DNAH17: variants seen among roughly 807,000 people sequenced by gnomAD.
DNAH17 encodes axonemal beta dynein heavy chain 17.
Under a neutral mutation model 485.6 loss-of-function variants are expected in DNAH17, and 376 were observed. That is an observed-to-expected ratio of 0.77 (90% CI 0.71 to 0.84). DNAH17 has a LOEUF of 0.84. DNAH17 is among the 40% of genes least tolerant of loss of function. The pLI, the probability that DNAH17 is intolerant of heterozygous loss-of-function variation, is 0.00. For missense variants in DNAH17, 6,370 were observed against 5,839.3 expected, an observed-to-expected ratio of 1.09 and a Z score of -2.96; for synonymous variants, 3,031 against 2,405.9, an observed-to-expected ratio of 1.26 and a Z score of -7.60.
chr17:78,441,497 G>C (rs1454686483), intron 71 of DNAH17, among the ~76,000 whole-genome samples: 3 of 152,182 alleles, frequency 2.0e-5, no homozygotes, highest in Non-Finnish European at 4.4e-5. Context: ...GTCAACTGCG[G>C]GGGGTGGGGG....
intron 24 of DNAH17, among the ~76,000 whole-genome samples, chr17:78,525,525 G>A (rs2143243329): frequency 6.6e-6 from 1 of 152,338 alleles, no homozygotes; most frequent in South Asian, 2.1e-4. Flanking sequence ...TTGAAAATGA[G>A]ATAATTCAGA....
intron 20 of DNAH17, among the ~76,000 whole-genome samples, chr17:78,531,662 G>T (rs2091242405): frequency 6.6e-6 from 1 of 152,200 alleles, no homozygotes; most frequent in African/African-American, 2.4e-5. Context: ...CTTATCTGAT[G>T]TAACTATAGT....
At chr17:78,531,630 G>A (rs1036130044) in intron 20 of DNAH17, among the ~76,000 whole-genome samples, 7 of 152,114 alleles carry the variant, frequency 4.6e-5, no homozygotes, top group South Asian at 4.1e-4. Flanking sequence ...GAGCCACCAC[G>A]CCCGGCCGAC....
At chr17:78,475,981 C>T (rs942636774) in intron 52 of DNAH17, 148 bp from the exon 53 acceptor site, 11 of 871,366 alleles carry the variant, frequency 1.3e-5, no homozygotes, top group East Asian at 8.0e-5. Context: ...AACCTGCTGC[C>T]GTGGGCCCAG....
chr17:78,574,830 C>A lies in DNAH17; in HGVS notation c.228G>T (p.Gly76=). The part of the protein sequence containing the change: ...LGFPQSLKSK[G]VYFIKTKSEN... The stretch of plus-strand genomic sequence containing the variant: ...CGGACTTTGTCTTGATGAAGTAAAC[C>A]CCTTTGGACTTGAGGGACTGGGGGA... The change falls in exon 2 of 81, where the codon GGG becomes GGT. Residue 76 remains glycine, a synonymous_variant. Transcript: ENST00000389840. 3 of 1,613,970 alleles carry A rather than the reference C, an allele frequency of 1.9e-6. No individual in the cohort carries two copies. The highest frequency in any genetic ancestry group is 2.5e-6 in the Non-Finnish European group (3 of 1,179,882).
chr17:78,573,877 G>A (rs945190739), intron 2 of DNAH17, among the ~76,000 whole-genome samples: 6 of 152,138 alleles, frequency 3.9e-5, no homozygotes, highest in African/African-American at 1.4e-4. Context: ...TGAGAAGAGT[G>A]ATGACCAGGA....
intron 60 of DNAH17, 66 bp downstream of exon 60, chr17:78,459,718 C>T: frequency 6.3e-7 from 1 of 1,578,522 alleles, no homozygotes; most frequent in South Asian, 1.1e-5. Context: ...TTCACCTCAG[C>T]ATCGTGCCTT....
chr17:78,471,410 G>C (rs930183054), intron 54 of DNAH17, among the ~76,000 whole-genome samples: 3 of 152,264 alleles, frequency 2.0e-5, no homozygotes, highest in Non-Finnish European at 2.9e-5. Context: ...GGAGCGTAGT[G>C]TGAGAGCCAG....
At chr17:78,545,972 A>C (rs62075913) in intron 16 of DNAH17, among the ~76,000 whole-genome samples, 9,439 of 103,656 alleles carry the variant, frequency 0.091, 555 homozygotes, top group African/African-American at 0.2. Context: ...CTACCATTTG[A>C]AATTTTTTTT....
At chr17:78,539,206 G>C (rs1194289065) in intron 18 of DNAH17, among the ~76,000 whole-genome samples, 1 of 151,966 alleles carries the variant, frequency 6.6e-6, no homozygotes, top group Non-Finnish European at 1.5e-5. Context: ...CTCCAGCCTG[G>C]GCAACAGAGC....
rs747046978 is a variant in DNAH17 at position 78,441,109 on chromosome 17, C to A, written c.11619G>T (p.Thr3873=). 3 of 1,613,608 alleles carry A rather than the reference C, an allele frequency of 1.9e-6. No homozygotes were observed. The highest frequency in any genetic ancestry group is 2.2e-5 in the South Asian group (2 of 90,978). ...SKSYEESSPS[T]SIFFILSPGV... ...CCGGGGAGAGGATGAAGAAGATTGA[C>A]GTGGAGGGGCTGCTCTCCTCGTAGG... Residue 3873 remains threonine (T), a synonymous_variant, in exon 72 of 81, where the codon ACG becomes ACT. Transcript: ENST00000389840.
chr17:78,558,496 A>ATCGCCC (rs2092078131), intron 13 of DNAH17, among the ~76,000 whole-genome samples: 1 of 151,042 alleles, frequency 6.6e-6, no homozygotes, highest in East Asian at 1.9e-4. Context: ...GGTGGATGAC[A>ATCGCCC]TCACCCTCAT....
Position 78,494,266 on chromosome 17 carries a change from G to A in DNAH17, c.6271-93C>T, listed in dbSNP as rs1005399522. On this transcript the variant is annotated intron_variant, in intron 40 of 80. Coordinates refer to ENST00000389840, the MANE Select transcript of DNAH17 (RefSeq NM_173628.4). ...GGGGGGCTTCCTGCCCCGTGGGGGA[G>A]ATGATAAAGGCGCCCTTGCCCTCCG... The A allele has an allele frequency of 2.7e-6, 4 of 1,506,094 alleles. No homozygotes were observed. In the African/African-American group the frequency reaches 4.2e-5, roughly 16 times the overall value. The allele number at this position is 1,506,094 out of a possible 1,614,324, so 93.3% of individuals were successfully genotyped here. A position where few individuals can be genotyped will look rare whatever the true frequency, so the allele number is the denominator to read the frequency against.
At chr17:78,478,624 T>TATTATAATC in intron 51 of DNAH17, among the ~76,000 whole-genome samples, 1 of 114,454 alleles carries the variant, frequency 8.7e-6, no homozygotes, top group Admixed American at 8.5e-5. Flanking sequence ...TCACCCCCAT[T>TATTATAATC]ATTATAATCA....
At chr17:78,431,400 A>AG (rs1197853103) in intron 75 of DNAH17, among the ~76,000 whole-genome samples, 2 of 146,598 alleles carry the variant, frequency 1.4e-5, no homozygotes, top group Non-Finnish European at 3.0e-5. Context: ...TGCTTCCCGC[A>AG]GGGGGTGGGG....
chr17:78,518,622 G>C (rs1045210182), intron 25 of DNAH17, among the ~76,000 whole-genome samples: 1 of 152,116 alleles, frequency 6.6e-6, no homozygotes, highest in Non-Finnish European at 1.5e-5. Context: ...ACTATAAAAG[G>C]ACAGAACAAC....
rs1449053959 is a variant in DNAH17 at position 78,427,076 on chromosome 17, C to A, written c.12621G>T (p.Lys4207Asn). 4 of 1,588,590 alleles carry A rather than the reference C, an allele frequency of 2.5e-6. No individual in the cohort carries two copies. The East Asian group carries it at 9.2e-5, about 36-fold the overall frequency. ...VKAVLDDILE[K>N]IPETFNMAEI... Reference sequence around the variant, plus strand: ...CAGCCATGTTGAAAGTCTCCGGAATCTTCTCCAGGATGTCGTCCAGCACGG... The same window carrying A: ...CAGCCATGTTGAAAGTCTCCGGAATATTCTCCAGGATGTCGTCCAGCACGG... Residue 4207 changes from lysine to asparagine, a missense_variant, in exon 78 of 81, where the codon AAG becomes AAT. By Grantham distance (94) the Lys-to-Asn change is moderately conservative. Transcript: ENST00000389840.
chr17:78,502,901 C>T lies in DNAH17; in HGVS notation c.5067G>A (p.Leu1689=). 2 of 1,613,988 alleles carry T rather than the reference C, an allele frequency of 1.2e-6. No homozygotes were observed. Among genetic ancestry groups the T allele is most frequent in the South Asian group, 1.1e-5 (1 of 91,082 alleles). ...CGCCTCAGACCTGGGCTGGGTAGTC[C>T]AGGATCCACTGCTCCCTCGGCTTCT... ...YEEKPREQWI[L]DYPAQVALTC... Residue 1689 remains leucine, a synonymous_variant, in exon 32 of 81, where the codon CTG becomes CTA. Coordinates refer to ENST00000389840, the MANE Select transcript of DNAH17 (RefSeq NM_173628.4).
Position 78,478,988 on chromosome 17 carries a change from G to C in DNAH17, c.7992+37C>G, listed in dbSNP as rs373571826. The stretch of plus-strand genomic sequence containing the variant: ...GCACCTGTGGATCAGGCACTGGACC[G>C]TAAGGCAGGCATGACATAAAGCTAC... On this transcript the variant is annotated intron_variant, in intron 51 of 80. Transcript: ENST00000389840. The C allele has an allele frequency of 3.8e-6, 6 of 1,586,530 alleles. No homozygotes were observed. In the Admixed American group the frequency reaches 8.5e-5, roughly 22 times the overall value.
Sources: allele counts gnomAD v4.1 joint callset (sites outside exome capture counted in the v4.1 genomes callset), GRCh38; gene constraint gnomAD v4.1.1; transcripts MANE v1.5; gene names NCBI Gene and HGNC (gene_info 2026-07-23, HGNC 2026-07-21).